Variants in ECPAS observed in about 807,000 individuals in gnomAD.
ECPAS encodes Ecm29 proteasome adaptor and scaffold, also known as proteasome adapter and scaffold protein ECM29.
In ECPAS, 70 loss-of-function variants were observed where a neutral mutation model predicts 255.1. The ratio of observed to expected loss-of-function variants is 0.27; its 90% CI spans 0.23 to 0.33. ECPAS has a LOEUF of 0.33. Among genes scored for constraint, ECPAS ranks in the 10% least tolerant of loss-of-function variants. The pLI, the probability that ECPAS is intolerant of heterozygous loss-of-function variation, is 1.00. For synonymous variants in ECPAS, 784 were observed against 775.0 expected (o/e 1.01, Z -0.19); for missense variants, 1,817 against 2,206.4 (o/e 0.82, Z 3.54).
At position 111,400,091 on chromosome 9, in the gene ECPAS, G is replaced by C. The variant is rs145536708; in HGVS notation, c.2653-2938C>G. On this transcript the variant is annotated intron_variant, in intron 24 of 49. Coordinates refer to ENST00000684092, the MANE Select transcript of ECPAS (RefSeq NM_001364929.1). The stretch of plus-strand genomic sequence containing the variant: ...CTACCTGGGGGAGAGAGAGGGAAGA[G>C]AGCAAGAAACTTTGCCTGGGAACCC... 2.8e-3 allele frequency among the ~76,000 whole-genome samples: 429 copies of C among 152,352 alleles called. 5 individuals carry two copies. The highest frequency in any genetic ancestry group is 9.9e-3 in the African/African-American group (412 of 41,580).
At chr9:111,440,833 C>T (rs1185342086) in intron 5 of ECPAS, among the ~76,000 whole-genome samples, 2 of 152,132 alleles carry the variant, frequency 1.3e-5, no homozygotes, top group South Asian at 4.1e-4. Flanking sequence ...TTATATGAAA[C>T]CTTAAGTAAA....
At chr9:111,424,571 G>A (rs980783700) in intron 12 of ECPAS, among the ~76,000 whole-genome samples, 3 of 2,646 alleles carry the variant, frequency 1.1e-3, no homozygotes, top group Non-Finnish European at 1.6e-3. Context: ...AAATACAGCA[G>A]GGAAAGGGAT....
At chr9:111,366,132 G>T in intron 48 of ECPAS, 107 bp downstream of exon 48, 1 of 698,810 alleles carries the variant, frequency 1.4e-6, no homozygotes, top group Non-Finnish European at 2.5e-6. Context: ...GAGTCCAGTA[G>T]CTATTTCAGA....
intron 2 of ECPAS, 114 bp from the exon 3 acceptor site, chr9:111,451,669 A>C (rs757943286): frequency 5.8e-5 from 55 of 941,706 alleles, no homozygotes; most frequent in Non-Finnish European, 7.3e-5. Context: ...TCAGGACTTT[A>C]ACCACAGCTA....
chr9:111,473,821 G>A (rs559796571), intron 1 of ECPAS, among the ~76,000 whole-genome samples: 20 of 152,164 alleles, frequency 1.3e-4, no homozygotes, highest in Admixed American at 1.1e-3. Flanking sequence ...ACAAAAATTA[G>A]CCAGGGATGG....
chr9:111,404,833 A>AC (rs1407303180), intron 24 of ECPAS, among the ~76,000 whole-genome samples: 1 of 148,758 alleles, frequency 6.7e-6, no homozygotes, highest in Non-Finnish European at 1.5e-5. Flanking sequence ...AAAAAAAAAA[A>AC]ACCTAGGGAT....
intron 22 of ECPAS, 133 bp from the exon 23 acceptor site, chr9:111,410,346 A>G: frequency 3.1e-6 from 2 of 641,134 alleles, no homozygotes; most frequent in Non-Finnish European, 5.2e-6. Context: ...CTAGTTGACA[A>G]TTTGCCAACA....
chr9:111,427,126 T>G (rs943319738), intron 10 of ECPAS, among the ~76,000 whole-genome samples: 1 of 145,528 alleles, frequency 6.9e-6, no homozygotes, highest in Non-Finnish European at 1.5e-5. Context: ...GCCACTGCAC[T>G]CCAGCCTGAG....
rs1264718784 is a variant in ECPAS, at chr9:111,428,093, G to A, written c.999C>T (p.Pro333=). 1 of 1,613,504 alleles carries A rather than the reference G, an allele frequency of 6.2e-7. No homozygotes were observed. The highest frequency in any genetic ancestry group is 2.2e-5 in the East Asian group (1 of 44,834). Residue 333 remains proline (P), a synonymous_variant, in exon 10 of 50, where the codon CCC becomes CCT. Transcript: ENST00000684092. ...CAGCTTGTCTAGAGCGGAGGAGATG[G>A]GGGACAATCTTTAACTTGACTCTTG... is the stretch of plus-strand genomic sequence containing the variant. ...VSTRVKLKIV[P]HLLRSRQAAE...
Position 111,394,218 on chromosome 9 carries a change from G to T in ECPAS, c.2864C>A (p.Ala955Glu). 14 of 1,609,488 alleles carry T rather than the reference G, an allele frequency of 8.7e-6. No individual in the cohort carries two copies. Among genetic ancestry groups the T allele is most frequent in the Non-Finnish European group, 1.2e-5 (14 of 1,177,698 alleles). Residue 955 changes from alanine to glutamate, a missense_variant, in exon 26 of 50, where the codon GCA becomes GAA. Around this residue, in one of 4 missense-constraint regions of ECPAS, gnomAD observed 960 missense variants for 1,179.0 expected, o/e 0.81. Coordinates refer to ENST00000684092, the MANE Select transcript of ECPAS (RefSeq NM_001364929.1). ...IISPNPHVRQ[A>E]ACIWLLSLVR... ...AAGGGAAAGGAGCCAGATGCAGGCT[G>T]CTTGCCTCACGTGTGGGTTGGGGCT... is the stretch of plus-strand genomic sequence containing the variant.
intron 3 of ECPAS, among the ~76,000 whole-genome samples, chr9:111,446,833 T>C (rs2098253687): frequency 6.6e-6 from 1 of 152,184 alleles, no homozygotes; most frequent in Non-Finnish European, 1.5e-5. Flanking sequence ...CAAACACTGA[T>C]ATTTGAACTC....
At chr9:111,426,484 G>A (rs1475264472) in intron 10 of ECPAS, among the ~76,000 whole-genome samples, 1 of 151,568 alleles carries the variant, frequency 6.6e-6, no homozygotes, top group Non-Finnish European at 1.5e-5. Flanking sequence ...CTTTATAATT[G>A]CCACTGTGCT....
At chr9:111,392,699 A>G (rs1278162792) in intron 28 of ECPAS, 69 bp downstream of exon 28, 2 of 1,032,824 alleles carry the variant, frequency 1.9e-6, no homozygotes, top group Admixed American at 2.5e-5. Flanking sequence ...TTCCTTCTCC[A>G]GCATCTTCTC....
At chr9:111,453,154 G>A (rs562131931) in intron 2 of ECPAS, among the ~76,000 whole-genome samples, 1 of 152,248 alleles carries the variant, frequency 6.6e-6, no homozygotes, top group South Asian at 2.1e-4. Context: ...GGCTGAGGTA[G>A]GAGAACTGCT....
chr9:111,450,248 A>G (rs1006659069), intron 3 of ECPAS, among the ~76,000 whole-genome samples: 1 of 152,224 alleles, frequency 6.6e-6, no homozygotes, highest in African/African-American at 2.4e-5. Context: ...AGGGCCTCTT[A>G]GACCTTGCTA....
In ECPAS at chr9:111,361,082, G is replaced by C. The variant is rs1478635566; in HGVS notation, c.*948C>G. The C allele has an allele frequency of 1.3e-5, 2 of 152,140 alleles. No individual in the cohort carries two copies. The highest frequency in any genetic ancestry group is 4.8e-5 in the African/African-American group (2 of 41,444). 9.4% of individuals were successfully genotyped at this position (152,140 alleles called of 1,614,324 possible). A position where few individuals can be genotyped will look rare whatever the true frequency, so the allele number is the denominator to read the frequency against. On this transcript the variant is annotated 3_prime_UTR_variant, in exon 50 of 50. Coordinates refer to ENST00000684092, the MANE Select transcript of ECPAS (RefSeq NM_001364929.1). ...GTAATTCCCAGGTGGCTAATTAAAA[G>C]GCTTTCCTTCTCCCCTATAAAGTCA... is the stretch of plus-strand genomic sequence containing the variant.
chr9:111,387,391 T>C (rs1048439435), intron 31 of ECPAS, among the ~76,000 whole-genome samples: 9 of 151,300 alleles, frequency 5.9e-5, no homozygotes, highest in African/African-American at 2.2e-4. Flanking sequence ...GTCTCACTCA[T>C]CGTCAGTGCA....
In ECPAS at chr9:111,360,829, G is replaced by A. The variant is rs1471600834; in HGVS notation, c.*1201C>T. The A allele has an allele frequency of 3.3e-5, 5 of 152,140 alleles. No homozygotes were observed. The highest frequency in any genetic ancestry group is 3.8e-4 in the East Asian group (2 of 5,200). 9.4% of individuals were successfully genotyped at this position (152,140 alleles called of 1,614,324 possible). On this transcript the variant is annotated 3_prime_UTR_variant, in exon 50 of 50. Coordinates refer to ENST00000684092, the MANE Select transcript of ECPAS (RefSeq NM_001364929.1). ...AAACATGGAGATTCCTGGTGTTAAC[G>A]TCAATAAGGATGAGTACTGAATGTA...
rs1589160767 is a variant in ECPAS, at chr9:111,412,031, TC to T, written c.2196del (p.Thr733LeufsTer31). 6.4e-7 allele frequency: 1 copy of T among 1,564,042 alleles called. No individual in the cohort carries two copies. ...TAACATACGTGATTGTCTTTTGTAG[TC>T]TTTATAAGCTGTTCTATCATTGATT... ...ELKSMIEQLI[K>X]TTKDNHSPEI... is the part of the protein sequence containing the mutation. On this transcript the variant is annotated frameshift_variant, in exon 21 of 50. Transcript: ENST00000684092. LOFTEE classifies it high-confidence loss of function.
Sources: allele counts gnomAD v4.1 joint callset (sites outside exome capture counted in the v4.1 genomes callset), GRCh38; gene constraint gnomAD v4.1.1; regional missense constraint gnomAD v4.1.1; transcripts MANE v1.5; gene names NCBI Gene and HGNC (gene_info 2026-07-23, HGNC 2026-07-21).